The following NCOA2 variants were observed in gnomAD, a reference collection of about 807,000 sequenced individuals.
The protein encoded by NCOA2 is class E basic helix-loop-helix protein 75.
A neutral mutation model predicts 145.1 loss-of-function variants in NCOA2; 21 were observed. That is an observed-to-expected ratio of 0.14 (90% confidence interval 0.10 to 0.21). The LOEUF (loss-of-function observed/expected upper bound fraction) is 0.21. Ranked by LOEUF, NCOA2 falls within the 10% of genes least tolerant of loss-of-function variation. The pLI is 1.00. For synonymous variants in NCOA2, 619 were observed against 637.5 expected, an observed-to-expected ratio of 0.97 and a Z score of 0.44; for missense variants, 1,472 against 1,837.6, an observed-to-expected ratio of 0.80 and a Z score of 3.64.
intron 4 of NCOA2, among the ~76,000 whole-genome samples, chr8:70,196,517 C>CT (rs2133394044): frequency 6.6e-6 from 1 of 152,290 alleles, no homozygotes; most frequent in Admixed American, 6.5e-5. Context: ...CAGTTATGAC[C>CT]TAAAGGTGCT....
intron 6 of NCOA2, among the ~76,000 whole-genome samples, chr8:70,169,129 GC>G (rs1813952791): frequency 6.6e-6 from 1 of 152,130 alleles, no homozygotes; most frequent in Non-Finnish European, 1.5e-5. Flanking sequence ...GATGTTCTTA[GC>G]ATCATCAATT....
intron 2 of NCOA2, among the ~76,000 whole-genome samples, chr8:70,280,263 C>G (rs1291312778): frequency 6.6e-6 from 1 of 152,124 alleles, no homozygotes. Flanking sequence ...GCTGCCAGAG[C>G]CAGGGTAGAA....
chr8:70,427,005 G>A, the NCOA2 span, among the ~76,000 whole-genome samples: 19 of 152,182 alleles, frequency 1.2e-4, no homozygotes, highest in African/African-American at 4.6e-4. Context: ...GTCTGGTTTT[G>A]AATTCCTGGG....
chr8:70,265,812 TTTG>T lies in NCOA2; in HGVS notation c.-20+30929_-20+30931del, dbSNP rs139056239. Among the ~76,000 whole-genome samples the T allele has an allele frequency of 4.2e-3, 631 of 151,136 alleles. 9 individuals are homozygous for T. The highest frequency in any genetic ancestry group is 0.014 in the African/African-American group (583 of 40,718). ...AAGAGCAAACCAGAAACTTCAGTTT[TTTG>T]TTGTTGTTGTTGTTGTTGTTTTGTT... On this transcript the variant is annotated intron_variant, in intron 2 of 22. Coordinates refer to ENST00000452400, the MANE Select transcript of NCOA2 (RefSeq NM_006540.4).
intron 10 of NCOA2, among the ~76,000 whole-genome samples, chr8:70,157,945 C>T (rs1469079546): frequency 6.6e-6 from 1 of 152,190 alleles, no homozygotes; most frequent in Non-Finnish European, 1.5e-5. Flanking sequence ...AACTCCATTC[C>T]ATCTCCTTAC....
chr8:70,437,717 T>G, the NCOA2 span, among the ~76,000 whole-genome samples: 2 of 152,358 alleles, frequency 1.3e-5, no homozygotes, highest in Middle Eastern at 3.4e-3. Flanking sequence ...CAGTCTCTTT[T>G]TTTTGCCTGT....
intron 2 of NCOA2, among the ~76,000 whole-genome samples, chr8:70,227,767 C>A (rs989172863): frequency 1.3e-5 from 2 of 152,104 alleles, no homozygotes; most frequent in Admixed American, 1.3e-4. Flanking sequence ...GTAATCCCAG[C>A]ACTATGGGAG....
the NCOA2 span, among the ~76,000 whole-genome samples, chr8:70,412,963 T>G: frequency 2.6e-5 from 4 of 151,778 alleles, no homozygotes; most frequent in South Asian, 6.2e-4. Flanking sequence ...CCAGGTGTGG[T>G]GGTGCACACC....
intron 1 of NCOA2, among the ~76,000 whole-genome samples, chr8:70,353,632 T>C (rs1809435109): frequency 6.6e-6 from 1 of 151,904 alleles, no homozygotes; most frequent in South Asian, 2.1e-4. Flanking sequence ...TAGAACCTTG[T>C]TACTTATCTG....
intron 1 of NCOA2, among the ~76,000 whole-genome samples, chr8:70,297,149 C>A (rs1214891710): frequency 6.6e-6 from 1 of 152,154 alleles, no homozygotes; most frequent in Non-Finnish European, 1.5e-5. Context: ...GCAGGAGGCC[C>A]TAGTGACCTA....
At chr8:70,448,389 G>A in the NCOA2 span, among the ~76,000 whole-genome samples, 1 of 151,976 alleles carries the variant, frequency 6.6e-6, no homozygotes, top group East Asian at 1.9e-4. Flanking sequence ...CATACCACAA[G>A]CAAAACAAAA....
intron 11 of NCOA2, among the ~76,000 whole-genome samples, chr8:70,154,448 T>G (rs1192177259): frequency 2.0e-5 from 3 of 152,342 alleles, no homozygotes; most frequent in East Asian, 1.9e-4. Flanking sequence ...GGTCTCAATC[T>G]ATTGCCTAGG....
chr8:70,307,467 T>G (rs1827986377), intron 1 of NCOA2, among the ~76,000 whole-genome samples: 1 of 152,174 alleles, frequency 6.6e-6, no homozygotes, highest in Non-Finnish European at 1.5e-5. Context: ...CCATAAAACA[T>G]CCATGAAATT....
At chr8:70,439,475 G>A in the NCOA2 span, among the ~76,000 whole-genome samples, 3 of 152,162 alleles carry the variant, frequency 2.0e-5, no homozygotes, top group African/African-American at 2.4e-5. Context: ...CACTCGGGGG[G>A]AGGAAACAGC....
intron 1 of NCOA2, among the ~76,000 whole-genome samples, chr8:70,370,014 G>A (rs1007350088): frequency 2.0e-5 from 3 of 151,922 alleles, no homozygotes; most frequent in Admixed American, 2.0e-4. Flanking sequence ...GCCTCCAGAG[G>A]AGCTGAGACC....
intron 13 of NCOA2, among the ~76,000 whole-genome samples, chr8:70,143,640 T>C (rs549441119): frequency 1.8e-4 from 28 of 152,302 alleles, no homozygotes; most frequent in Non-Finnish European, 3.4e-4. Context: ...GAATTCCTTA[T>C]AAACAATAGA....
At chr8:70,331,757 A>G (rs1340391200) in intron 1 of NCOA2, among the ~76,000 whole-genome samples, 3 of 152,124 alleles carry the variant, frequency 2.0e-5, no homozygotes, top group Admixed American at 2.0e-4. Context: ...TAAAGCAAAA[A>G]TCTCATATTC....
At chr8:70,206,118 G>A (rs1818411164) in intron 4 of NCOA2, among the ~76,000 whole-genome samples, 1 of 152,198 alleles carries the variant, frequency 6.6e-6, no homozygotes. Flanking sequence ...TCAGCCCAAG[G>A]GCTCTTATCT....
intron 5 of NCOA2, among the ~76,000 whole-genome samples, chr8:70,171,878 C>CAA (rs1814298255): frequency 6.6e-6 from 1 of 152,160 alleles, no homozygotes; most frequent in Non-Finnish European, 1.5e-5. Context: ...GGCTGGGGTG[C>CAA]AATGGCATGA....
Sources: gnomAD v4.1 joint callset for allele counts (sites outside exome capture counted in the v4.1 genomes callset) on GRCh38, gnomAD v4.1.1 for gene constraint, MANE v1.5 for transcripts, NCBI Gene and HGNC (gene_info 2026-07-23, HGNC 2026-07-21) for gene names.